The following ROBO1 variants were observed in gnomAD, a reference collection of about 807,000 sequenced individuals.
ROBO1 encodes roundabout guidance receptor 1.
In ROBO1, 149 loss-of-function variants were observed where a neutral mutation model predicts 195.9. The observed-to-expected ratio is 0.76, with a 90% CI of 0.67 to 0.87. ROBO1 has a LOEUF of 0.87. Ranked by LOEUF, ROBO1 falls within the 40% of genes least tolerant of loss-of-function variation. The probability of loss-of-function intolerance (pLI) is 0.00; values close to 1 mark genes in which losing one functional copy is unlikely to be tolerated. For missense variants in ROBO1, 1,933 were observed against 2,068.3 expected, an observed-to-expected ratio of 0.93 and a Z score of 1.27; for synonymous variants, 816 against 733.2, an observed-to-expected ratio of 1.11 and a Z score of -1.82.
intron 3 of ROBO1, among the ~76,000 whole-genome samples, chr3:79,109,693 C>A (rs1178565591): frequency 1.3e-5 from 2 of 152,004 alleles, no homozygotes; most frequent in Admixed American, 1.3e-4. Flanking sequence ...TTTATTAGAA[C>A]TAACCGAATA....
intron 1 of ROBO1, among the ~76,000 whole-genome samples, chr3:79,736,477 C>T (rs1703394030): frequency 6.6e-6 from 1 of 152,076 alleles, no homozygotes; most frequent in Non-Finnish European, 1.5e-5. Context: ...TGGGGAGGAA[C>T]TAACTGGTAA....
At chr3:79,210,191 C>T (rs766919092) in intron 2 of ROBO1, among the ~76,000 whole-genome samples, 87 of 152,132 alleles carry the variant, frequency 5.7e-4, no homozygotes, top group African/African-American at 2.0e-3. Flanking sequence ...TATGGAACCA[C>T]GGAAGAGCCC....
intron 2 of ROBO1, among the ~76,000 whole-genome samples, chr3:79,322,151 C>G (rs1391864000): frequency 6.6e-6 from 1 of 152,144 alleles, no homozygotes; most frequent in Non-Finnish European, 1.5e-5. Context: ...ATCAATCAGA[C>G]TTAACCTAGG....
chr3:79,128,124 G>C (rs1436163475), intron 2 of ROBO1, among the ~76,000 whole-genome samples: 5 of 152,130 alleles, frequency 3.3e-5, no homozygotes, highest in Admixed American at 3.3e-4. Context: ...TGGTTAAATA[G>C]CATTGATTAT....
At chr3:78,685,488 C>T (rs2081031185) in intron 10 of ROBO1, among the ~76,000 whole-genome samples, 1 of 152,068 alleles carries the variant, frequency 6.6e-6, no homozygotes. Flanking sequence ...AGATACAGTC[C>T]TATGTGCAGC....
At chr3:79,304,015 A>G (rs941333020) in intron 2 of ROBO1, among the ~76,000 whole-genome samples, 3 of 152,238 alleles carry the variant, frequency 2.0e-5, no homozygotes, top group Middle Eastern at 3.2e-3. Flanking sequence ...ATATTTCTTA[A>G]TAGCCTGCAG....
At chr3:78,747,039 T>A (rs1157996327) in intron 4 of ROBO1, 139 bp from the exon 5 acceptor site, 3 of 472,428 alleles carry the variant, frequency 6.4e-6, no homozygotes, top group East Asian at 3.4e-5. Context: ...AGAATCTATA[T>A]CTACTTATAG....
chr3:78,621,397 C>T (rs1258474052), intron 26 of ROBO1, among the ~76,000 whole-genome samples: 2 of 152,060 alleles, frequency 1.3e-5, no homozygotes, highest in Admixed American at 6.5e-5. Context: ...GCAGAATGGC[C>T]GACTTCACTA....
intron 10 of ROBO1, among the ~76,000 whole-genome samples, chr3:78,683,945 A>C (rs2080992356): frequency 6.6e-6 from 1 of 152,096 alleles, no homozygotes; most frequent in Non-Finnish European, 1.5e-5. Flanking sequence ...TAATTACTTA[A>C]TCCCTAAAAC....
chr3:78,720,320 G>A (rs540439618), intron 5 of ROBO1, among the ~76,000 whole-genome samples: 16 of 152,340 alleles, frequency 1.1e-4, no homozygotes, highest in Admixed American at 8.5e-4. Flanking sequence ...TTGCATTTAT[G>A]CAGCCAACAG....
At chr3:78,609,906 T>C (rs1703708058) in intron 28 of ROBO1, among the ~76,000 whole-genome samples, 1 of 152,200 alleles carries the variant, frequency 6.6e-6, no homozygotes, top group African/African-American at 2.4e-5. Flanking sequence ...TTTTTGAAAC[T>C]TATTTTCTTT....
At chr3:79,364,533 C>A (rs2035895131) in intron 2 of ROBO1, among the ~76,000 whole-genome samples, 1 of 151,820 alleles carries the variant, frequency 6.6e-6, no homozygotes, top group African/African-American at 2.4e-5. Flanking sequence ...ATTTCAACTT[C>A]TTTTGCTTAC....
intron 2 of ROBO1, among the ~76,000 whole-genome samples, chr3:79,190,959 G>A (rs1313693319): frequency 6.6e-6 from 1 of 151,520 alleles, no homozygotes; most frequent in Non-Finnish European, 1.5e-5. Context: ...TCTCTGTGAT[G>A]CATTCATTGA....
intron 19 of ROBO1, among the ~76,000 whole-genome samples, chr3:78,648,274 G>T (rs1447445932): frequency 6.6e-6 from 1 of 152,050 alleles, no homozygotes; most frequent in Non-Finnish European, 1.5e-5. Flanking sequence ...GGAAATGCCT[G>T]ACATCTTATC....
At chr3:78,927,649 C>T (rs540564567) in intron 4 of ROBO1, among the ~76,000 whole-genome samples, 2 of 152,182 alleles carry the variant, frequency 1.3e-5, no homozygotes, top group South Asian at 2.1e-4. Flanking sequence ...TGAGAAAAGC[C>T]ACAATGAAAT....
At chr3:79,242,250 C>T (rs182639140) in intron 2 of ROBO1, among the ~76,000 whole-genome samples, 4 of 150,722 alleles carry the variant, frequency 2.7e-5, no homozygotes, top group Non-Finnish European at 1.5e-5. Context: ...AACTGAACTG[C>T]TTATGCTCAG....
intron 4 of ROBO1, among the ~76,000 whole-genome samples, chr3:78,789,096 C>T (rs367935707): frequency 2.6e-5 from 4 of 152,028 alleles, no homozygotes; most frequent in East Asian, 1.9e-4. Flanking sequence ...CTGAATACAG[C>T]GCTAAAATCT....
intron 7 of ROBO1, chr3:78,714,737 C>A: frequency 2.4e-6 from 1 of 414,130 alleles, no homozygotes; most frequent in Non-Finnish European, 4.2e-6. Flanking sequence ...TCTAAAAGAA[C>A]ATTTTGGGGT....
intron 28 of ROBO1, among the ~76,000 whole-genome samples, chr3:78,612,055 G>A (rs1425888500): frequency 1.3e-5 from 2 of 152,052 alleles, no homozygotes; most frequent in Admixed American, 6.6e-5. Context: ...AAGGATCATC[G>A]CAAATTACTC....
Sources: allele counts gnomAD v4.1 joint callset (sites outside exome capture counted in the v4.1 genomes callset), GRCh38; gene constraint gnomAD v4.1.1; transcripts MANE v1.5; gene names NCBI Gene and HGNC (gene_info 2026-07-23, HGNC 2026-07-21).